MAML2: variants seen among roughly 807,000 people sequenced by gnomAD.
The protein encoded by MAML2 is mastermind-like protein 2.
MAML2 carries 22 observed loss-of-function variants against 96.1 expected under a neutral mutation model. The ratio of observed to expected loss-of-function variants is 0.23; its 90% CI spans 0.16 to 0.33. The LOEUF is 0.33. MAML2 is among the 10% of genes least tolerant of loss of function. The pLI, the probability that MAML2 is intolerant of heterozygous loss-of-function variation, is 1.00. For missense variants in MAML2, 1,367 were observed against 1,392.4 expected (o/e 0.98, Z 0.29); for synonymous variants, 561 against 521.3 (o/e 1.08, Z -1.04).
At chr11:96,080,280 T>A (rs1859511004) in intron 2 of MAML2, among the ~76,000 whole-genome samples, 1 of 152,174 alleles carries the variant, frequency 6.6e-6, no homozygotes, top group Non-Finnish European at 1.5e-5. Context: ...TATGGATGCA[T>A]TTAGGCACAT....
chr11:96,332,178 G>C (rs573202906), intron 1 of MAML2, among the ~76,000 whole-genome samples: 15 of 152,336 alleles, frequency 9.8e-5, no homozygotes, highest in South Asian at 6.2e-4. Context: ...AAGGATTAAA[G>C]TACAAGTCAT....
At chr11:96,141,258 T>C in intron 1 of MAML2, among the ~76,000 whole-genome samples, 1 of 152,318 alleles carries the variant, frequency 6.6e-6, no homozygotes, top group East Asian at 1.9e-4. Context: ...AAACATTATT[T>C]GCTGTTTACC....
intron 1 of MAML2, among the ~76,000 whole-genome samples, chr11:96,341,081 T>C (rs1329277365): frequency 1.3e-5 from 2 of 151,998 alleles, no homozygotes; most frequent in African/African-American, 4.8e-5. Flanking sequence ...GTGGCTCAGA[T>C]CTTGCCAGCT....
intron 2 of MAML2, among the ~76,000 whole-genome samples, chr11:96,006,803 G>A (rs912502826): frequency 1.2e-4 from 18 of 150,416 alleles, no homozygotes; most frequent in Admixed American, 1.1e-3. Flanking sequence ...CAGGTGATCC[G>A]CCTGCCTCGG....
chr11:96,011,174 A>G (rs563465390), intron 2 of MAML2, among the ~76,000 whole-genome samples: 81 of 152,284 alleles, frequency 5.3e-4, no homozygotes, highest in Middle Eastern at 3.4e-3. Flanking sequence ...TTCTCAAGGA[A>G]CTAAAAATAG....
At chr11:95,997,809 A>C (rs780677219) in intron 2 of MAML2, among the ~76,000 whole-genome samples, 3 of 152,132 alleles carry the variant, frequency 2.0e-5, no homozygotes, top group Non-Finnish European at 2.9e-5. Flanking sequence ...TGGCCTTGTC[A>C]TTAGAAATTC....
rs1864017170 is a variant in MAML2 at position 96,342,738 on chromosome 11, A to G, written c.-843T>C. 1 of 323,478 alleles carries G rather than the reference A, an allele frequency of 3.1e-6. No homozygotes were observed. Among genetic ancestry groups the G allele is most frequent in the Non-Finnish European group, 5.6e-6 (1 of 179,084 alleles). 20.0% of individuals were successfully genotyped at this position (323,478 alleles called of 1,614,324 possible). A position where few individuals can be genotyped will look rare whatever the true frequency, so the allele number is the denominator to read the frequency against. On this transcript the variant is annotated 5_prime_UTR_variant, in exon 1 of 5. Coordinates refer to ENST00000524717, the MANE Select transcript of MAML2 (RefSeq NM_032427.4). ...ATCCTCACTCCCTCTAAGGTTTCCT[A>G]GCCTTAAATGAAAAGCAATCTTAAG...
intron 1 of MAML2, among the ~76,000 whole-genome samples, chr11:96,240,339 A>G (rs1214122764): frequency 2.0e-5 from 3 of 151,984 alleles, no homozygotes; most frequent in Non-Finnish European, 4.4e-5. Flanking sequence ...TCACGAGGTC[A>G]GGAGATCGAG....
At chr11:96,208,336 A>G (rs1861923086) in intron 1 of MAML2, among the ~76,000 whole-genome samples, 1 of 152,228 alleles carries the variant, frequency 6.6e-6, no homozygotes, top group Admixed American at 6.5e-5. Flanking sequence ...ATACAAACCC[A>G]GTGTGCCTGG....
chr11:96,218,079 T>C (rs1862076283), intron 1 of MAML2, among the ~76,000 whole-genome samples: 1 of 152,250 alleles, frequency 6.6e-6, no homozygotes, highest in Admixed American at 6.5e-5. Context: ...GCAAGCTTGA[T>C]ATTACATAGG....
chr11:96,238,710 C>CA (rs1165070832), intron 1 of MAML2, among the ~76,000 whole-genome samples: 1 of 152,186 alleles, frequency 6.6e-6, no homozygotes, highest in Non-Finnish European at 1.5e-5. Flanking sequence ...TATGTAGAGG[C>CA]ATGTGAGCTT....
intron 2 of MAML2, among the ~76,000 whole-genome samples, chr11:96,057,395 A>C (rs16922954): frequency 1.3e-5 from 2 of 152,158 alleles, no homozygotes; most frequent in African/African-American, 2.4e-5. Flanking sequence ...ATGTCTGTCC[A>C]TTTATCTATC....
At chr11:96,030,562 C>A (rs1187457910) in intron 2 of MAML2, among the ~76,000 whole-genome samples, 1 of 152,188 alleles carries the variant, frequency 6.6e-6, no homozygotes, top group Non-Finnish European at 1.5e-5. Flanking sequence ...ACAATTACAT[C>A]TTTACACCAT....
intron 1 of MAML2, among the ~76,000 whole-genome samples, chr11:96,114,537 T>C (rs1325510105): frequency 6.6e-6 from 1 of 152,248 alleles, no homozygotes; most frequent in Non-Finnish European, 1.5e-5. Flanking sequence ...TGATCTCACA[T>C]ACTCACACCC....
At chr11:95,996,812 A>C (rs1026176673) in intron 2 of MAML2, among the ~76,000 whole-genome samples, 4 of 152,194 alleles carry the variant, frequency 2.6e-5, no homozygotes, top group African/African-American at 9.6e-5. Context: ...TTCGATTTTC[A>C]TACTCAGCCT....
chr11:96,147,986 G>T (rs1161373763), intron 1 of MAML2, among the ~76,000 whole-genome samples: 1 of 152,196 alleles, frequency 6.6e-6, no homozygotes, highest in Non-Finnish European at 1.5e-5. Flanking sequence ...GGAGTAAAAT[G>T]CTGGGTGTTT....
intron 1 of MAML2, among the ~76,000 whole-genome samples, chr11:96,325,173 C>T (rs1447106214): frequency 6.6e-6 from 1 of 151,980 alleles, no homozygotes; most frequent in African/African-American, 2.4e-5. Context: ...CATTCAACGT[C>T]CCCATCTAGT....
intron 3 of MAML2, among the ~76,000 whole-genome samples, chr11:95,989,739 G>T (rs1368859989): frequency 6.6e-6 from 1 of 152,148 alleles, no homozygotes; most frequent in Non-Finnish European, 1.5e-5. Flanking sequence ...GATCCAGTCT[G>T]TGACTCCCTT....
At chr11:96,090,472 T>C (rs1421961610) in intron 2 of MAML2, among the ~76,000 whole-genome samples, 1 of 152,176 alleles carries the variant, frequency 6.6e-6, no homozygotes, top group Non-Finnish European at 1.5e-5. Context: ...GTGAGTCCCT[T>C]GAGGTGACAC....
Sources: allele counts gnomAD v4.1 joint callset (sites outside exome capture counted in the v4.1 genomes callset), GRCh38; gene constraint gnomAD v4.1.1; transcripts MANE v1.5; gene names NCBI Gene and HGNC (gene_info 2026-07-23, HGNC 2026-07-21).